Variants in TENM4 observed in about 807,000 individuals in gnomAD.
The protein encoded by TENM4 is teneurin transmembrane protein 4, also known as teneurin-4.
TENM4 carries 82 observed loss-of-function variants against 243.3 expected under a neutral mutation model. That is an observed-to-expected ratio of 0.34 (90% confidence interval 0.28 to 0.40). TENM4 has a LOEUF of 0.40. Among genes scored for constraint, TENM4 ranks in the 10% least tolerant of loss-of-function variants. The pLI is 1.00. For missense variants in TENM4, 3,138 were observed against 3,673.3 expected, an observed-to-expected ratio of 0.85 and a Z score of 3.77; for synonymous variants, 1,412 against 1,456.3, an observed-to-expected ratio of 0.97 and a Z score of 0.69.
chr11:79,161,486 C>G (rs1862745618), intron 3 of TENM4, among the ~76,000 whole-genome samples: 1 of 152,152 alleles, frequency 6.6e-6, no homozygotes, highest in African/African-American at 2.4e-5. Context: ...GGCTCCTTAC[C>G]AGACAGAAAG....
rs1859372741 is a variant in TENM4 at position 79,440,185 on chromosome 11, C to A, written c.-321+324G>T. On this transcript the variant is annotated intron_variant, in intron 1 of 33. Coordinates refer to ENST00000278550, the MANE Select transcript of TENM4 (RefSeq NM_001098816.3). The surrounding 1 kb of genome is among the most constrained non-coding windows in gnomAD (Gnocchi z 4.7). ...GGGAACGGGATCCGGGAGAGGCAGA[C>A]GAACCTGGGGCGCGCCGCCTCCCTC... Among the ~76,000 whole-genome samples the A allele has an allele frequency of 6.6e-6, 1 of 152,082 alleles. No individual in the cohort carries two copies. The highest frequency in any genetic ancestry group is 1.5e-5 in the Non-Finnish European group (1 of 67,986).
rs7113816 is a variant in TENM4 at position 79,337,018 on chromosome 11, G to T, written c.-320-39475C>A. On this transcript the variant is annotated intron_variant, in intron 1 of 33. Transcript: ENST00000278550. ...CCCCAGGCCCCAGGGAAATGCAATA[G>T]CCGAGGGGACAAGGAGGTTACCAAG... Among the ~76,000 whole-genome samples the T allele has an allele frequency of 2.7e-3, 414 of 152,348 alleles. 5 individuals carry two copies. The highest frequency in any genetic ancestry group is 9.5e-3 in the African/African-American group (397 of 41,586).
chr11:79,077,442 C>A (rs1454905120), intron 4 of TENM4, among the ~76,000 whole-genome samples: 1 of 152,204 alleles, frequency 6.6e-6, no homozygotes, highest in Admixed American at 6.5e-5. Flanking sequence ...CTGTGGCTTT[C>A]AAATTTCTCT....
At chr11:79,226,167 A>C (rs1864260802) in intron 2 of TENM4, among the ~76,000 whole-genome samples, 1 of 152,230 alleles carries the variant, frequency 6.6e-6, no homozygotes, top group African/African-American at 2.4e-5. Context: ...TCCAAACACA[A>C]CTGCATGCCT....
chr11:79,200,061 A>G (rs1419210650), intron 3 of TENM4, among the ~76,000 whole-genome samples: 1 of 152,224 alleles, frequency 6.6e-6, no homozygotes, highest in African/African-American at 2.4e-5. Flanking sequence ...CAGGACCTGC[A>G]GCATCTCTAG....
intron 29 of TENM4, among the ~76,000 whole-genome samples, chr11:78,684,199 G>A (rs1858598313): frequency 6.6e-6 from 1 of 152,246 alleles, no homozygotes; most frequent in Non-Finnish European, 1.5e-5. Flanking sequence ...ATGGCACAGA[G>A]ATTAGGAGCT....
At chr11:79,291,450 G>C (rs370603110) in intron 2 of TENM4, among the ~76,000 whole-genome samples, 6 of 152,148 alleles carry the variant, frequency 3.9e-5, no homozygotes, top group Non-Finnish European at 5.9e-5. Context: ...ATGGTCATGG[G>C]GGGGTGTGCC....
At chr11:78,750,632 C>G (rs1856166914) in intron 19 of TENM4, among the ~76,000 whole-genome samples, 1 of 152,150 alleles carries the variant, frequency 6.6e-6, no homozygotes, top group Non-Finnish European at 1.5e-5. Context: ...TCACAGAGCA[C>G]TTTTGTCTCT....
In TENM4 at chr11:79,080,398, G is replaced by A. The variant is rs1860637522; in HGVS notation, c.-65-10389C>T. Among the ~76,000 whole-genome samples the A allele has an allele frequency of 2.0e-5, 3 of 152,370 alleles. No individual in the cohort carries two copies. The South Asian group carries it at 6.2e-4, about 32-fold the overall frequency. ...AACTGACACAGACACCCGGGGTAGG[G>A]GGGCACTGCATCAGGTGGGGTGGGC... is the stretch of plus-strand genomic sequence containing the variant. On this transcript the variant is annotated intron_variant, in intron 4 of 33. Transcript: ENST00000278550.
intron 4 of TENM4, among the ~76,000 whole-genome samples, chr11:79,084,879 CA>C (rs1281585535): frequency 6.6e-6 from 1 of 152,082 alleles, no homozygotes; most frequent in Non-Finnish European, 1.5e-5. Flanking sequence ...CAGATAAATG[CA>C]AGTAAAATGG....
intron 1 of TENM4, among the ~76,000 whole-genome samples, chr11:79,362,140 TTCATA>T (rs1260287901): frequency 6.6e-6 from 1 of 152,154 alleles, no homozygotes; most frequent in East Asian, 1.9e-4. Flanking sequence ...CTTGTCCAAG[TTCATA>T]TAAGTAGCAA....
intron 1 of TENM4, among the ~76,000 whole-genome samples, chr11:79,434,565 C>A (rs756296807): frequency 7.2e-5 from 11 of 152,090 alleles, no homozygotes; most frequent in Non-Finnish European, 1.2e-4. Flanking sequence ...GTGATGATTC[C>A]AAGAGCCAGG....
At chr11:78,720,741 C>A (rs576384858) in intron 24 of TENM4, among the ~76,000 whole-genome samples, 57 of 152,250 alleles carry the variant, frequency 3.7e-4, no homozygotes, top group Non-Finnish European at 6.6e-4. Context: ...CCCAGAGATA[C>A]ACATGCTTAC....
intron 8 of TENM4, 40 bp from the exon 9 acceptor site, chr11:78,890,060 C>A: frequency 6.7e-7 from 1 of 1,482,132 alleles, no homozygotes; most frequent in South Asian, 1.3e-5. Flanking sequence ...AGGGGCTGCC[C>A]ACAGACCAGG....
At chr11:79,420,476 C>G (rs992794908) in intron 1 of TENM4, among the ~76,000 whole-genome samples, 24 of 152,310 alleles carry the variant, frequency 1.6e-4, no homozygotes, top group Non-Finnish European at 3.2e-4. Context: ...AGAAACCCTA[C>G]TCTTGTGAGA....
At chr11:79,026,225 G>T (rs1859074606) in intron 6 of TENM4, among the ~76,000 whole-genome samples, 2 of 152,150 alleles carry the variant, frequency 1.3e-5, no homozygotes, top group South Asian at 4.1e-4. Flanking sequence ...CATGACCCTG[G>T]GTGTGAGGCC....
rs139509222 is a variant in TENM4, at chr11:78,984,773, G to A, written c.493+79965C>T. Among the ~76,000 whole-genome samples, 93 of 152,054 alleles carry A rather than the reference G, an allele frequency of 6.1e-4. 3 individuals carry two copies. In the East Asian group the frequency reaches 0.017, roughly 27 times the overall value. ...GAGCTGTGCTGTCCAATATGGTAGC[G>A]ATTTTAACTATAAATTTTAATATTT... On this transcript the variant is annotated intron_variant, in intron 6 of 33. Transcript: ENST00000278550.
chr11:79,239,207 T>G (rs1334280123), intron 2 of TENM4, among the ~76,000 whole-genome samples: 1 of 152,174 alleles, frequency 6.6e-6, no homozygotes, highest in Non-Finnish European at 1.5e-5. Flanking sequence ...CTTGTGCTCA[T>G]CAGATATGCT....
chr11:79,258,174 G>T (rs930421992), intron 2 of TENM4, among the ~76,000 whole-genome samples: 4 of 152,124 alleles, frequency 2.6e-5, no homozygotes, highest in Non-Finnish European at 4.4e-5. Flanking sequence ...AGATAAATAG[G>T]CCTCTCTATT....
Sources: gnomAD v4.1 joint callset for allele counts (sites outside exome capture counted in the v4.1 genomes callset) on GRCh38, gnomAD v4.1.1 for gene constraint, Gnocchi (gnomAD v3.1) non-coding constraint, MANE v1.5 for transcripts, NCBI Gene and HGNC (gene_info 2026-07-23, HGNC 2026-07-21) for gene names.